Variants in SPMIP4 observed in about 807,000 individuals in gnomAD.
SPMIP4 encodes sperm-associated microtubule inner protein 4.
At chr7:25,144,627 C>T in the SPMIP4 span, among the ~76,000 whole-genome samples, 1 of 152,170 alleles carries the variant, frequency 6.6e-6, no homozygotes, top group Admixed American at 6.5e-5. Flanking sequence ...AGATCATGGT[C>T]AGGGGAGGGA....
chr7:25,167,757 A>G, the SPMIP4 span, among the ~76,000 whole-genome samples: 6 of 152,240 alleles, frequency 3.9e-5, no homozygotes, highest in Non-Finnish European at 5.9e-5. Flanking sequence ...CTCTGCTCTG[A>G]GTAAATCCTT....
At chr7:25,138,053 A>G in the SPMIP4 span, among the ~76,000 whole-genome samples, 1 of 152,188 alleles carries the variant, frequency 6.6e-6, no homozygotes, top group South Asian at 2.1e-4. This position sits in a 1 kb window ranked among gnomAD's most constrained non-coding sequence, Gnocchi z 6.2. Context: ...TTCTCATGCC[A>G]ATTTTGGGAG....
chr7:25,165,618 G>T, the SPMIP4 span, among the ~76,000 whole-genome samples: 1 of 152,264 alleles, frequency 6.6e-6, no homozygotes, highest in South Asian at 2.1e-4. Flanking sequence ...AAGGTGCTGG[G>T]ATTACAGGCG....
chr7:25,152,767 A>T, the SPMIP4 span, among the ~76,000 whole-genome samples: 7 of 118,502 alleles, frequency 5.9e-5, no homozygotes, highest in South Asian at 1.8e-3. Flanking sequence ...TTTTTTTGAG[A>T]CAGAGTCTCT....
chr7:25,135,132 G>A, the SPMIP4 span: 5 of 338,632 alleles, frequency 1.5e-5, no homozygotes, highest in African/African-American at 2.2e-5. Flanking sequence ...ACTTGCATAT[G>A]GGAGTTAGCC....
chr7:25,158,638 G>T, the SPMIP4 span: 1 of 883,290 alleles, frequency 1.1e-6, no homozygotes, highest in Non-Finnish European at 1.8e-6. Context: ...GGTGGCTCAT[G>T]CCTGTAATCC....
chr7:25,132,368 C>T, the SPMIP4 span, among the ~76,000 whole-genome samples: 1 of 152,128 alleles, frequency 6.6e-6, no homozygotes, highest in Non-Finnish European at 1.5e-5. This position sits in a 1 kb window ranked among gnomAD's most constrained non-coding sequence, Gnocchi z 5.0. Context: ...CTCAGTATAA[C>T]TATTGTTGTG....
chr7:25,171,730 T>C, the SPMIP4 span, among the ~76,000 whole-genome samples: 2 of 152,180 alleles, frequency 1.3e-5, no homozygotes, highest in African/African-American at 4.8e-5. Context: ...CAAATTTACA[T>C]TTTTGTTTTA....
chr7:25,176,735 A>C, the SPMIP4 span, among the ~76,000 whole-genome samples: 1 of 152,244 alleles, frequency 6.6e-6, no homozygotes, highest in East Asian at 1.9e-4. This position sits in a 1 kb window ranked among gnomAD's most constrained non-coding sequence, Gnocchi z 4.4. Flanking sequence ...TTTCTGTTGG[A>C]AAAATAAAGA....
chr7:25,136,526 A>G, the SPMIP4 span: 1 of 1,614,078 alleles, frequency 6.2e-7, no homozygotes, highest in African/African-American at 1.3e-5. The surrounding 1 kb of genome is among the most constrained non-coding windows in gnomAD (Gnocchi z 5.7). Context: ...TCATAGGTAG[A>G]CAGCAAGCTC....
chr7:25,126,845 C>T, the SPMIP4 span, among the ~76,000 whole-genome samples: 3 of 152,170 alleles, frequency 2.0e-5, no homozygotes, highest in Non-Finnish European at 4.4e-5. Context: ...GAGGAACTCC[C>T]TTTAGCATTT....
At chr7:25,134,288 C>T in the SPMIP4 span, among the ~76,000 whole-genome samples, 2 of 146,448 alleles carry the variant, frequency 1.4e-5, no homozygotes, top group African/African-American at 5.1e-5. Context: ...AAACAAAACA[C>T]ACACACACAC....
chr7:25,179,478 A>G, the SPMIP4 span: 1 of 546,792 alleles, frequency 1.8e-6, no homozygotes. Context: ...AGTAATAAAT[A>G]GAGACCTAAA....
At chr7:25,173,525 T>C in the SPMIP4 span, among the ~76,000 whole-genome samples, 1 of 152,206 alleles carries the variant, frequency 6.6e-6, no homozygotes, top group African/African-American at 2.4e-5. This position sits in a 1 kb window ranked among gnomAD's most constrained non-coding sequence, Gnocchi z 4.4. Flanking sequence ...AAAAGTTTGC[T>C]AACCCCGCAC....
At chr7:25,167,530 G>A in the SPMIP4 span, among the ~76,000 whole-genome samples, 1 of 152,168 alleles carries the variant, frequency 6.6e-6, no homozygotes, top group African/African-American at 2.4e-5. Flanking sequence ...TTATTTGTCT[G>A]CTTTTTATTG....
At chr7:25,150,583 A>G in the SPMIP4 span, among the ~76,000 whole-genome samples, 4 of 152,200 alleles carry the variant, frequency 2.6e-5, no homozygotes, top group African/African-American at 9.6e-5. Flanking sequence ...ATATATGGAG[A>G]ACACTTGGCA....
At chr7:25,177,355 T>C in the SPMIP4 span, among the ~76,000 whole-genome samples, 1,182 of 152,166 alleles carry the variant, frequency 7.8e-3, 7 homozygotes, top group Non-Finnish European at 0.012. Context: ...AGGTGGTGTG[T>C]GCCTGTAGTC....
chr7:25,157,659 G>T, the SPMIP4 span, among the ~76,000 whole-genome samples: 1 of 152,146 alleles, frequency 6.6e-6, no homozygotes, highest in African/African-American at 2.4e-5. Flanking sequence ...CCTAAAAATT[G>T]TCAAGGTCAT....
chr7:25,178,580 T>C, the SPMIP4 span, among the ~76,000 whole-genome samples: 4 of 152,190 alleles, frequency 2.6e-5, no homozygotes, highest in Admixed American at 6.5e-5. Context: ...GCTTACAACA[T>C]ATTAATTTCC....
Sources: allele counts gnomAD v4.1 joint callset (sites outside exome capture counted in the v4.1 genomes callset), GRCh38; gene constraint gnomAD v4.1.1; non-coding constraint Gnocchi (gnomAD v3.1); transcripts MANE v1.5; gene names NCBI Gene and HGNC (gene_info 2026-07-23, HGNC 2026-07-21).